Variants in POTEE observed in about 807,000 individuals in gnomAD.
POTEE encodes the protein POTE ankyrin domain family member E, also known as ANKRD26-like family C member 1A.
POTEE carries 21 observed loss-of-function variants against 74.2 expected under a neutral mutation model. That is an observed-to-expected ratio of 0.28 (90% CI 0.20 to 0.41). The LOEUF (loss-of-function observed/expected upper bound fraction) is 0.41. Ranked by LOEUF, POTEE falls within the 10% of genes least tolerant of loss-of-function variation. The pLI is 1.00. For missense variants in POTEE, 525 were observed against 1,158.6 expected (o/e 0.45, Z 7.94); for synonymous variants, 211 against 432.8 (o/e 0.49, Z 6.36).
At chr2:131,233,826 C>T (rs997047092) in intron 9 of POTEE, among the ~76,000 whole-genome samples, 2 of 150,100 alleles carry the variant, frequency 1.3e-5, no homozygotes, top group African/African-American at 2.5e-5. Flanking sequence ...AGAGAAATGT[C>T]AGATAATTTC....
In POTEE at chr2:131,219,661, C is replaced by T. The variant is rs539087625; in HGVS notation, c.521+738C>T. Among the ~76,000 whole-genome samples the T allele has an allele frequency of 1.4e-4, 21 of 151,770 alleles. No individual in the cohort carries two copies. In the East Asian group the frequency reaches 2.1e-3, roughly 15 times the overall value. ...CTGAGGCAGGAGAATGGCGTGAACC[C>T]GGGAGGTGGAGCTTGCAGTGAGCAG... is the stretch of plus-strand genomic sequence containing the variant. On this transcript the variant is annotated intron_variant, in intron 4 of 17. Transcript: ENST00000683005.
intron 10 of POTEE, among the ~76,000 whole-genome samples, chr2:131,237,370 T>G (rs1262733941): frequency 3.3e-5 from 5 of 152,040 alleles, no homozygotes; most frequent in Non-Finnish European, 7.4e-5. Flanking sequence ...CCTTATGGTC[T>G]CTCGTTGACC....
At chr2:131,233,508 C>T (rs1294494702) in intron 9 of POTEE, among the ~76,000 whole-genome samples, 1 of 151,438 alleles carries the variant, frequency 6.6e-6, no homozygotes, top group African/African-American at 2.4e-5. Flanking sequence ...TGTCATACAT[C>T]CTTGGAGTAG....
chr2:131,225,168 T>C (rs1293875973), intron 6 of POTEE, among the ~76,000 whole-genome samples: 1 of 152,152 alleles, frequency 6.6e-6, no homozygotes, highest in Non-Finnish European at 1.5e-5. Context: ...GAGGAAAATG[T>C]TTAAATAATC....
At chr2:131,217,828 C>G (rs1334121409) in intron 3 of POTEE, among the ~76,000 whole-genome samples, 145 bp downstream of exon 3, 1 of 150,600 alleles carries the variant, frequency 6.6e-6, no homozygotes. Flanking sequence ...ACGGCTTGCA[C>G]GCGCACGCCG....
chr2:131,213,108 C>T (rs1178610418), intron 2 of POTEE, among the ~76,000 whole-genome samples: 5 of 151,526 alleles, frequency 3.3e-5, no homozygotes, highest in African/African-American at 1.2e-4. Context: ...TTATAGGTGC[C>T]TGCCACCACG....
In POTEE at chr2:131,263,537, A is replaced by C. The variant is rs1201559277; in HGVS notation, c.2082A>C (p.Leu694=). 2 of 1,605,208 alleles carry C rather than the reference A, an allele frequency of 1.2e-6. No homozygotes were observed. Among genetic ancestry groups the C allele is most frequent in the African/African-American group, 2.7e-5 (2 of 74,640 alleles). Residue 694 remains leucine (L), a synonymous_variant, in exon 18 of 18, where the codon CTA becomes CTC. Transcript: ENST00000683005. The stretch of plus-strand genomic sequence containing the variant: ...AGAATGATAATCTTTTAAAGGCTCT[A>C]CAATTGAATGAGCTCACCATGGATG... ...KKKNDNLLKA[L]QLNELTMDDD...
chr2:131,238,156 A>G, intron 10 of POTEE, 38 bp from the exon 11 acceptor site: 1 of 1,601,514 alleles, frequency 6.2e-7, no homozygotes, highest in Non-Finnish European at 8.5e-7. Flanking sequence ...TCACAGAAAC[A>G]CAACAAGCAA....
intron 16 of POTEE, among the ~76,000 whole-genome samples, chr2:131,256,915 T>C (rs1190526342): frequency 6.6e-6 from 1 of 152,312 alleles, no homozygotes; most frequent in Non-Finnish European, 1.5e-5. Context: ...CTCTCTAACG[T>C]AATTGAGGGA....
intron 16 of POTEE, among the ~76,000 whole-genome samples, chr2:131,255,035 T>C (rs1701554747): frequency 6.7e-6 from 1 of 150,098 alleles, no homozygotes; most frequent in African/African-American, 2.4e-5. Flanking sequence ...GCCATATGTG[T>C]ATAATTTTTA....
chr2:131,237,533 A>C (rs192313436), intron 10 of POTEE, among the ~76,000 whole-genome samples: 140 of 151,674 alleles, frequency 9.2e-4, no homozygotes, highest in African/African-American at 2.9e-3. Context: ...AGTACATATT[A>C]TTAAAAAATC....
chr2:131,216,352 G>T (rs896118332), intron 2 of POTEE, among the ~76,000 whole-genome samples: 1,251 of 150,004 alleles, frequency 8.3e-3, no homozygotes, highest in African/African-American at 0.03. Context: ...AATCTGAATG[G>T]AACCACAAAA....
intron 16 of POTEE, among the ~76,000 whole-genome samples, chr2:131,258,317 C>CA (rs1284239320): frequency 1.2e-5 from 1 of 83,378 alleles, no homozygotes; most frequent in African/African-American, 4.4e-5. Flanking sequence ...TAATAGCTCT[C>CA]ACGAAGATTT....
chr2:131,229,031 T>C (rs1464021996), intron 8 of POTEE, among the ~76,000 whole-genome samples: 3 of 150,410 alleles, frequency 2.0e-5, no homozygotes, highest in Non-Finnish European at 2.9e-5. Flanking sequence ...TGCTCAGCCA[T>C]TGTTCCCAGA....
At chr2:131,235,178 C>T (rs1411007846) in intron 9 of POTEE, among the ~76,000 whole-genome samples, 1 of 147,872 alleles carries the variant, frequency 6.8e-6, no homozygotes, top group Non-Finnish European at 1.5e-5. Flanking sequence ...ATATTTAAGT[C>T]TCTGCTTGGG....
Position 131,218,151 on chromosome 2 carries a change from C to T in POTEE, c.-93-159C>T, listed in dbSNP as rs1390014436. The T allele has an allele frequency of 2.7e-5, 22 of 823,210 alleles. No individual in the cohort carries two copies. In the South Asian group the frequency reaches 4.0e-4, roughly 15 times the overall value. The allele number at this position is 823,210 out of a possible 1,614,324, so 51.0% of individuals were successfully genotyped here. A position where few individuals can be genotyped will look rare whatever the true frequency, so the allele number is the denominator to read the frequency against. On this transcript the variant is annotated intron_variant, in intron 3 of 17. Transcript: ENST00000683005. ...TCTTGGGGGCGGGGGTTGGCCCTTT[C>T]TGGGGTTGGCCCTTTCTGGGGTGGG...
intron 2 of POTEE, among the ~76,000 whole-genome samples, chr2:131,216,147 C>T (rs1196808485): frequency 3.3e-5 from 5 of 151,446 alleles, no homozygotes; most frequent in African/African-American, 7.3e-5. Context: ...AGGATGTGAA[C>T]GATTTGTATA....
rs1573689851 is a variant in POTEE at position 131,210,721 on chromosome 2, G to C, written c.-344-307G>C. On this transcript the variant is annotated intron_variant, in intron 1 of 17. Coordinates refer to ENST00000683005, the MANE Select transcript of POTEE (RefSeq NM_001083538.3). ...GTGGGAACAGGGCACTGTGGGTGGA[G>C]GTGTCAGGAACGGGAACCAGCAGTT... 1.5e-4 allele frequency among the ~76,000 whole-genome samples: 23 copies of C among 149,384 alleles called. No homozygotes were observed. In the South Asian group the frequency reaches 5.0e-3, roughly 32 times the overall value.
intron 10 of POTEE, among the ~76,000 whole-genome samples, chr2:131,237,794 T>C (rs1358287322): frequency 1.8e-4 from 28 of 152,266 alleles, no homozygotes; most frequent in African/African-American, 6.8e-4. Flanking sequence ...TGAGGTAAAC[T>C]CTTTTCAAGT....
Sources: gnomAD v4.1 joint callset for allele counts (sites outside exome capture counted in the v4.1 genomes callset) on GRCh38, gnomAD v4.1.1 for gene constraint, MANE v1.5 for transcripts, NCBI Gene and HGNC (gene_info 2026-07-23, HGNC 2026-07-21) for gene names.